ARID4B: variants seen among roughly 807,000 people sequenced by gnomAD.
The protein encoded by ARID4B is AT-rich interaction domain 4B, also known as AT-rich interactive domain-containing protein 4B.
A neutral mutation model predicts 147.5 loss-of-function variants in ARID4B; 26 were observed. That is an observed-to-expected ratio of 0.18 (90% confidence interval 0.13 to 0.24). The LOEUF is 0.24. Ranked by LOEUF, ARID4B falls within the 10% of genes least tolerant of loss-of-function variation. The pLI is 1.00. For missense variants in ARID4B, 1,179 were observed against 1,511.5 expected (o/e 0.78, Z 3.65); for synonymous variants, 512 against 507.9 (o/e 1.01, Z -0.11).
chr1:235,208,511 T>C (rs1331240008), intron 17 of ARID4B, among the ~76,000 whole-genome samples: 1 of 150,944 alleles, frequency 6.6e-6, no homozygotes, highest in Admixed American at 6.6e-5. Flanking sequence ...ATTTTTTTTC[T>C]ATTTTTTTGA....
chr1:235,327,662 C>A (rs1455846296), intron 1 of ARID4B, 107 bp downstream of exon 1: 1 of 152,334 alleles, frequency 6.6e-6, no homozygotes, highest in Non-Finnish European at 1.5e-5. Flanking sequence ...CGAATTCGGG[C>A]GCCGCAGGGA....
intron 5 of ARID4B, among the ~76,000 whole-genome samples, chr1:235,253,397 C>G (rs1228218663): frequency 6.6e-6 from 1 of 152,142 alleles, no homozygotes; most frequent in African/African-American, 2.4e-5. Flanking sequence ...CCAGCTGTGA[C>G]AACCTAAAAT....
At chr1:235,264,010 C>A (rs189346313) in intron 2 of ARID4B, among the ~76,000 whole-genome samples, 1 of 151,846 alleles carries the variant, frequency 6.6e-6, no homozygotes, top group Non-Finnish European at 1.5e-5. Flanking sequence ...AAAAGACTTG[C>A]AGAAGGAAAC....
intron 23 of ARID4B, among the ~76,000 whole-genome samples, chr1:235,169,600 ATCTCGGCT>A (rs1256825420): frequency 6.7e-6 from 1 of 150,046 alleles, no homozygotes; most frequent in African/African-American, 2.5e-5. Context: ...CAGTGGTGCG[ATCTCGGCT>A]CACTGCAAGC....
At chr1:235,320,021 G>A (rs937744403) in intron 2 of ARID4B, among the ~76,000 whole-genome samples, 3 of 152,128 alleles carry the variant, frequency 2.0e-5, no homozygotes, top group African/African-American at 7.2e-5. Flanking sequence ...CAGCTACTTG[G>A]GAGGCTGAGG....
rs999565824 is a variant in ARID4B at position 235,205,323 on chromosome 1, G to A, written c.1841+8446C>T. Among the ~76,000 whole-genome samples the A allele has an allele frequency of 3.9e-5, 6 of 152,218 alleles. No homozygotes were observed. In the East Asian group the frequency reaches 9.6e-4, roughly 24 times the overall value. On this transcript the variant is annotated intron_variant, in intron 17 of 23. Coordinates refer to ENST00000264183, the MANE Select transcript of ARID4B (RefSeq NM_016374.6). ...CTTAAAAATTTTTTAAGGACAAAAG[G>A]AGACTAAGAATAGCTAAAAAGTAAC...
At chr1:235,268,265 T>G (rs1173114866) in intron 2 of ARID4B, among the ~76,000 whole-genome samples, 1 of 151,974 alleles carries the variant, frequency 6.6e-6, no homozygotes, top group Admixed American at 6.6e-5. Context: ...GAAGTTAAAA[T>G]GGAAGGAAGG....
At position 235,184,651 on chromosome 1, in the gene ARID4B, C is replaced by T. The variant is rs576113950; in HGVS notation, c.2126-1858G>A. ...ACCTTTACAATGTGTGTCTGCATGG[C>T]CACATTTTTTAAATTATCAAAACAA... On this transcript the variant is annotated intron_variant, in intron 19 of 23. Transcript: ENST00000264183. Among the ~76,000 whole-genome samples the T allele has an allele frequency of 5.3e-5, 8 of 152,178 alleles. No homozygotes were observed. In the South Asian group the frequency reaches 1.2e-3, roughly 24 times the overall value.
At chr1:235,322,962 T>C (rs1207039400) in intron 2 of ARID4B, among the ~76,000 whole-genome samples, 1 of 152,036 alleles carries the variant, frequency 6.6e-6, no homozygotes, top group Non-Finnish European at 1.5e-5. Flanking sequence ...TTTTTTCATG[T>C]GGCCTAAGCC....
At chr1:235,196,647 A>G (rs1665509713) in intron 17 of ARID4B, among the ~76,000 whole-genome samples, 1 of 152,000 alleles carries the variant, frequency 6.6e-6, no homozygotes, top group African/African-American at 2.4e-5. Context: ...AAGTCAGGAG[A>G]TCAAGACCAT....
At chr1:235,265,598 C>A (rs1670550264) in intron 2 of ARID4B, among the ~76,000 whole-genome samples, 2 of 151,752 alleles carry the variant, frequency 1.3e-5, no homozygotes, top group African/African-American at 4.8e-5. Context: ...ATGAGGGAGG[C>A]TAAGGTGGGA....
chr1:235,218,346 G>A (rs759779429), intron 16 of ARID4B, among the ~76,000 whole-genome samples: 20 of 152,060 alleles, frequency 1.3e-4, no homozygotes, highest in Admixed American at 2.0e-4. Context: ...AAAATAAGCA[G>A]AAGCACCAAC....
intron 2 of ARID4B, among the ~76,000 whole-genome samples, chr1:235,316,147 A>G (rs1219272377): frequency 6.6e-6 from 1 of 152,214 alleles, no homozygotes; most frequent in Non-Finnish European, 1.5e-5. Flanking sequence ...ATAAATTTAA[A>G]AAATTCAAAT....
intron 19 of ARID4B, among the ~76,000 whole-genome samples, chr1:235,192,054 G>A (rs1665148372): frequency 6.6e-6 from 1 of 152,086 alleles, no homozygotes; most frequent in African/African-American, 2.4e-5. Flanking sequence ...CTGGGTGACA[G>A]AGCGAGACTC....
At chr1:235,249,566 C>A (rs545146875) in intron 6 of ARID4B, among the ~76,000 whole-genome samples, 22 of 152,020 alleles carry the variant, frequency 1.4e-4, no homozygotes, top group African/African-American at 3.6e-4. Context: ...GAGGCCAAGG[C>A]AGGCAGATCA....
intron 2 of ARID4B, among the ~76,000 whole-genome samples, chr1:235,321,459 G>GA (rs560379157): frequency 6.6e-6 from 1 of 151,840 alleles, no homozygotes; most frequent in South Asian, 2.1e-4. Context: ...AATTTCCTAA[G>GA]AAAAAAACCT....
At chr1:235,259,805 T>C (rs187056331) in intron 3 of ARID4B, among the ~76,000 whole-genome samples, 17 of 152,306 alleles carry the variant, frequency 1.1e-4, no homozygotes, top group Non-Finnish European at 2.2e-4. Flanking sequence ...AAGAGACTGA[T>C]ACCCTCCACA....
At chr1:235,296,058 G>T in intron 2 of ARID4B, 1 of 161,744 alleles carries the variant, frequency 6.2e-6, no homozygotes, top group East Asian at 1.7e-4. Context: ...AAATATCCTT[G>T]GAAGACTGGT....
chr1:235,175,226 T>C lies in ARID4B; in HGVS notation c.3622A>G (p.Ser1208Gly), dbSNP rs773154620. Residue 1208 changes from serine to glycine, a missense_variant, in exon 22 of 24, where the codon AGT becomes GGT. By Grantham distance (56) the Ser-to-Gly change is moderately conservative. This residue lies in a region of ARID4B where 357 missense variants were observed against 427.3 expected (regional missense o/e 0.84). Coordinates refer to ENST00000264183, the MANE Select transcript of ARID4B (RefSeq NM_016374.6). The stretch of plus-strand genomic sequence containing the variant: ...TTGTAAACTTTGGGTAATCGATTAC[T>C]GGGTTCCTTGAGATCAGGATCCTTA... ...GDKDPDLKEPSNRLPKVYKWS... is the reference protein window; with the variant it reads ...GDKDPDLKEPGNRLPKVYKWS... 1 of 1,614,228 alleles carries C rather than the reference T, an allele frequency of 6.2e-7. No homozygotes were observed. Among genetic ancestry groups the C allele is most frequent in the East Asian group, 2.2e-5 (1 of 44,878 alleles).
Sources: gnomAD v4.1 joint callset for allele counts (sites outside exome capture counted in the v4.1 genomes callset) on GRCh38, gnomAD v4.1.1 for gene constraint, gnomAD v4.1.1 regional missense constraint, MANE v1.5 for transcripts, NCBI Gene and HGNC (gene_info 2026-07-23, HGNC 2026-07-21) for gene names.